Variants in IGF1R observed in about 807,000 individuals in gnomAD.
The protein encoded by IGF1R is insulin like growth factor 1 receptor.
In IGF1R, 44 loss-of-function variants were observed where a neutral mutation model predicts 144.6. The observed-to-expected ratio is 0.30, with a 90% CI of 0.24 to 0.39. The LOEUF (loss-of-function observed/expected upper bound fraction) is 0.39, where lower values mean the gene tolerates loss of function less well. Ranked by LOEUF, IGF1R falls within the 10% of genes least tolerant of loss-of-function variation. The pLI, the probability that IGF1R is intolerant of heterozygous loss-of-function variation, is 1.00. For synonymous variants in IGF1R, 795 were observed against 722.8 expected (o/e 1.10, Z -1.60); for missense variants, 1,355 against 1,833.7 (o/e 0.74, Z 4.77).
At chr15:98,811,544 A>AG (rs60465712) in intron 2 of IGF1R, among the ~76,000 whole-genome samples, 1 of 150,712 alleles carries the variant, frequency 6.6e-6, no homozygotes, top group Admixed American at 6.6e-5. Context: ...AAAAAAAAAA[A>AG]GTTATTTCTC....
intron 2 of IGF1R, among the ~76,000 whole-genome samples, chr15:98,774,971 C>T (rs577423572): frequency 6.6e-6 from 1 of 152,190 alleles, no homozygotes; most frequent in Non-Finnish European, 1.5e-5. Flanking sequence ...GCTCAGGAAC[C>T]TGGAACCAGA....
intron 8 of IGF1R, 60 bp downstream of exon 8, chr15:98,913,342 C>A: frequency 1.5e-6 from 2 of 1,310,646 alleles, no homozygotes; most frequent in Non-Finnish European, 2.2e-6. Context: ...ACTGGCCTTG[C>A]TTGTACCAGG....
chr15:98,655,509 C>T (rs1471706129), intron 1 of IGF1R, among the ~76,000 whole-genome samples: 1 of 151,988 alleles, frequency 6.6e-6, no homozygotes, highest in Non-Finnish European at 1.5e-5. Context: ...TCCCTCTTTT[C>T]TTCCACAGTA....
Position 98,649,181 on chromosome 15 carries a change from C to T in IGF1R, c.-401C>T, listed in dbSNP as rs1228994149. On this transcript the variant is annotated 5_prime_UTR_variant, in exon 1 of 21. Coordinates refer to ENST00000650285, the MANE Select transcript of IGF1R (RefSeq NM_000875.5). The stretch of plus-strand genomic sequence containing the variant: ...GAAGCTCGGGCGTCCGGCCGCCTCC[C>T]GCGCGGCCAGGGCCGGGCTTGTTTT... 2 of 219,644 alleles carry T rather than the reference C, an allele frequency of 9.1e-6. No homozygotes were observed. Among genetic ancestry groups the T allele is most frequent in the African/African-American group, 2.3e-5 (1 of 44,418 alleles). The allele number at this position is 219,644 out of a possible 1,614,324, so 13.6% of individuals were successfully genotyped here. A position where few individuals can be genotyped will look rare whatever the true frequency, so the allele number is the denominator to read the frequency against.
At chr15:98,956,347 G>A (rs747145294) in intron 20 of IGF1R, among the ~76,000 whole-genome samples, 1 of 152,192 alleles carries the variant, frequency 6.6e-6, no homozygotes, top group African/African-American at 2.4e-5. Flanking sequence ...CTCCTTGCTG[G>A]CTTGTTGGAA....
chr15:98,766,609 C>A (rs1435437248), intron 2 of IGF1R, among the ~76,000 whole-genome samples: 1 of 152,166 alleles, frequency 6.6e-6, no homozygotes, highest in Non-Finnish European at 1.5e-5. Flanking sequence ...GATTAACTCT[C>A]TGGGGGTCCA....
chr15:98,665,713 A>T (rs375447760), intron 1 of IGF1R, among the ~76,000 whole-genome samples: 3 of 152,350 alleles, frequency 2.0e-5, no homozygotes, highest in Admixed American at 6.5e-5. Context: ...GCTTGCAAGG[A>T]TGAGCATCCC....
At position 98,737,586 on chromosome 15, in the gene IGF1R, T is replaced by A. The variant is rs544691285; in HGVS notation, c.640+29479T>A. 1.1e-4 allele frequency among the ~76,000 whole-genome samples: 16 copies of A among 152,332 alleles called. No homozygotes were observed. In the East Asian group the frequency reaches 1.7e-3, roughly 17 times the overall value. On this transcript the variant is annotated intron_variant, in intron 2 of 20. Coordinates refer to ENST00000650285, the MANE Select transcript of IGF1R (RefSeq NM_000875.5). Reference sequence around the variant, plus strand: ...GTATGTTTCTCAATTGGAATTTTTTTAAAAATTTAATTTAAAAAAGACTTC... The same window carrying A: ...GTATGTTTCTCAATTGGAATTTTTTAAAAAATTTAATTTAAAAAAGACTTC...
chr15:98,872,827 T>A (rs993912651), intron 2 of IGF1R, among the ~76,000 whole-genome samples: 5 of 151,188 alleles, frequency 3.3e-5, no homozygotes, highest in African/African-American at 1.2e-4. Flanking sequence ...AAACATTGAC[T>A]TTCCCTAAAA....
intron 2 of IGF1R, among the ~76,000 whole-genome samples, chr15:98,729,865 C>G (rs2054457490): frequency 6.6e-6 from 1 of 152,180 alleles, no homozygotes; most frequent in South Asian, 2.1e-4. Flanking sequence ...TCTGGCAGGC[C>G]TGGATAAGGT....
intron 5 of IGF1R, among the ~76,000 whole-genome samples, chr15:98,901,775 C>T (rs2014494557): frequency 6.6e-6 from 1 of 152,084 alleles, no homozygotes; most frequent in Admixed American, 6.5e-5. Flanking sequence ...TTGAGATGGG[C>T]CTTGAAGGCT....
chr15:98,706,826 G>GT (rs2053874669), intron 1 of IGF1R, among the ~76,000 whole-genome samples: 1 of 101,700 alleles, frequency 9.8e-6, no homozygotes, highest in African/African-American at 3.2e-5. Flanking sequence ...GATTTTTACT[G>GT]GTTTTTTTTT....
intron 2 of IGF1R, among the ~76,000 whole-genome samples, chr15:98,813,970 C>T (rs569230401): frequency 7.9e-5 from 12 of 152,300 alleles, no homozygotes; most frequent in African/African-American, 1.2e-4. Flanking sequence ...GAGATGAGGT[C>T]CGGAATAGGT....
rs1318551697 is a variant in IGF1R, at chr15:98,649,544, TTTTTTGAG to T, written c.-37_-30del. ...TCTTTTCTTTTTTTTTTTTTTTTTT[TTTTTTGAG>T]AAAGGGGAATTTCATCCCAAATAAA... On this transcript the variant is annotated 5_prime_UTR_variant, in exon 1 of 21. Transcript: ENST00000650285. The T allele has an allele frequency of 4.4e-6, 3 of 679,632 alleles. No homozygotes were observed. Among genetic ancestry groups the T allele is most frequent in the Non-Finnish European group, 6.9e-6 (3 of 436,464 alleles). The allele number at this position is 679,632 out of a possible 1,614,324, so 42.1% of individuals were successfully genotyped here. A position where few individuals can be genotyped will look rare whatever the true frequency, so the allele number is the denominator to read the frequency against.
chr15:98,653,273 G>GT (rs1448148691), intron 1 of IGF1R, among the ~76,000 whole-genome samples: 6 of 152,160 alleles, frequency 3.9e-5, no homozygotes, highest in Non-Finnish European at 7.4e-5. Flanking sequence ...TGAAATGATG[G>GT]TTTTTTTCAG....
At chr15:98,915,459 C>T (rs2015201955) in intron 8 of IGF1R, among the ~76,000 whole-genome samples, 2 of 152,168 alleles carry the variant, frequency 1.3e-5, no homozygotes, top group Admixed American at 1.3e-4. Flanking sequence ...CATGGGCATG[C>T]ACACTCCTTC....
chr15:98,837,764 T>C (rs1289874212), intron 2 of IGF1R, among the ~76,000 whole-genome samples: 2 of 152,210 alleles, frequency 1.3e-5, no homozygotes, highest in Non-Finnish European at 2.9e-5. Context: ...AATTTTTACA[T>C]AGGAAAGACC....
intron 1 of IGF1R, among the ~76,000 whole-genome samples, chr15:98,684,618 AG>A (rs1336383722): frequency 6.6e-6 from 1 of 152,198 alleles, no homozygotes; most frequent in African/African-American, 2.4e-5. Context: ...ACATAACTAA[AG>A]CTTATCCAGA....
chr15:98,823,132 C>G (rs947801322), intron 2 of IGF1R, among the ~76,000 whole-genome samples: 2 of 152,206 alleles, frequency 1.3e-5, no homozygotes, highest in Admixed American at 1.3e-4. Flanking sequence ...TTCTCCAGGT[C>G]TCCTCTCATA....
Sources: gnomAD v4.1 joint callset for allele counts (sites outside exome capture counted in the v4.1 genomes callset) on GRCh38, gnomAD v4.1.1 for gene constraint, MANE v1.5 for transcripts, NCBI Gene and HGNC (gene_info 2026-07-23, HGNC 2026-07-21) for gene names.